NTRK2: variants seen among roughly 807,000 people sequenced by gnomAD.
NTRK2 encodes BDNF/NT-3 growth factors receptor.
Under a neutral mutation model 94.5 loss-of-function variants are expected in NTRK2, and 13 were observed. That is an observed-to-expected ratio of 0.14 (90% CI 0.09 to 0.22). The LOEUF (loss-of-function observed/expected upper bound fraction) is 0.22, where lower values mean the gene tolerates loss of function less well. Among genes scored for constraint, NTRK2 ranks in the 10% least tolerant of loss-of-function variants. The pLI, the probability that NTRK2 is intolerant of heterozygous loss-of-function variation, is 1.00. For synonymous variants in NTRK2, 372 were observed against 407.4 expected, an observed-to-expected ratio of 0.91 and a Z score of 1.05; for missense variants, 639 against 1,071.2, an observed-to-expected ratio of 0.60 and a Z score of 5.63.
At chr9:84,769,726 A>T (rs952518292) in intron 12 of NTRK2, among the ~76,000 whole-genome samples, 2 of 152,246 alleles carry the variant, frequency 1.3e-5, no homozygotes, top group Non-Finnish European at 2.9e-5. Context: ...GGACCAGCAC[A>T]ACGTTCTTCA....
chr9:84,671,474 G>A (rs998505010), intron 2 of NTRK2, among the ~76,000 whole-genome samples: 10 of 152,014 alleles, frequency 6.6e-5, no homozygotes, highest in Middle Eastern at 6.8e-3. Context: ...TTTATATATC[G>A]GATTTTGCTT....
chr9:84,673,447 G>T (rs1421153466), intron 2 of NTRK2, among the ~76,000 whole-genome samples: 1 of 152,112 alleles, frequency 6.6e-6, no homozygotes, highest in African/African-American at 2.4e-5. Context: ...CTGTTGTAAA[G>T]TTCTGGTTTA....
At chr9:84,777,925 T>G (rs1418651365) in intron 12 of NTRK2, among the ~76,000 whole-genome samples, 1 of 152,212 alleles carries the variant, frequency 6.6e-6, no homozygotes, top group Non-Finnish European at 1.5e-5. Flanking sequence ...ACAGCCTACA[T>G]GATCTTTTGA....
intron 12 of NTRK2, among the ~76,000 whole-genome samples, chr9:84,855,407 G>T (rs983698293): frequency 2.0e-5 from 3 of 152,236 alleles, no homozygotes; most frequent in Middle Eastern, 3.4e-3. Flanking sequence ...GTCTCTGTGG[G>T]TATTTATATG....
chr9:84,692,312 A>G (rs955601864), intron 2 of NTRK2, among the ~76,000 whole-genome samples: 9 of 152,276 alleles, frequency 5.9e-5, no homozygotes, highest in African/African-American at 9.6e-5. Context: ...TACCTTGGCT[A>G]TGTCTGTGCA....
At chr9:84,870,337 A>G (rs938662963) in intron 14 of NTRK2, among the ~76,000 whole-genome samples, 1,144 of 72,030 alleles carry the variant, frequency 0.016, 59 homozygotes, top group African/African-American at 0.043. Flanking sequence ...GTGTGTATAT[A>G]TATATATATA....
chr9:84,843,605 C>T (rs913774633), intron 12 of NTRK2, among the ~76,000 whole-genome samples: 1 of 152,232 alleles, frequency 6.6e-6, no homozygotes, highest in Non-Finnish European at 1.5e-5. Flanking sequence ...AGGTGGGTCA[C>T]GTGCAGCTTG....
intron 12 of NTRK2, among the ~76,000 whole-genome samples, chr9:84,844,904 A>T (rs1385156425): frequency 6.6e-6 from 1 of 152,164 alleles, no homozygotes; most frequent in African/African-American, 2.4e-5. Context: ...TTGAAAAAAA[A>T]AATACCACCT....
At chr9:84,941,292 A>T (rs1334800428) in intron 15 of NTRK2, among the ~76,000 whole-genome samples, 1 of 152,218 alleles carries the variant, frequency 6.6e-6, no homozygotes, top group Non-Finnish European at 1.5e-5. Context: ...TAGGCATTTG[A>T]ATTAGATAGG....
At chr9:84,787,845 C>T (rs527567468) in intron 12 of NTRK2, among the ~76,000 whole-genome samples, 1 of 152,266 alleles carries the variant, frequency 6.6e-6, no homozygotes, top group African/African-American at 2.4e-5. Context: ...GGTGATCTAA[C>T]TTACCAGTGA....
At chr9:84,766,242 G>A (rs1490214876) in intron 12 of NTRK2, among the ~76,000 whole-genome samples, 1 of 152,110 alleles carries the variant, frequency 6.6e-6, no homozygotes, top group Non-Finnish European at 1.5e-5. Flanking sequence ...TGATGTCCTG[G>A]GGAAGAGTGA....
intron 14 of NTRK2, among the ~76,000 whole-genome samples, chr9:84,879,065 C>T (rs186432038): frequency 2.0e-5 from 3 of 152,272 alleles, no homozygotes; most frequent in Admixed American, 1.3e-4. Context: ...TGCTCATCTT[C>T]TCACTACATT....
intron 9 of NTRK2, among the ~76,000 whole-genome samples, chr9:84,730,567 C>A (rs1323222367): frequency 7.2e-6 from 1 of 139,820 alleles, no homozygotes; most frequent in African/African-American, 3.0e-5. Context: ...GGTGAAACCC[C>A]GTCTCTACTA....
chr9:84,680,037 C>G (rs1277563191), intron 2 of NTRK2, among the ~76,000 whole-genome samples: 1 of 152,068 alleles, frequency 6.6e-6, no homozygotes, highest in Non-Finnish European at 1.5e-5. Flanking sequence ...TCTGTGACCC[C>G]CAAGAGCAGA....
At chr9:84,974,567 A>T (rs138691961) in intron 17 of NTRK2, among the ~76,000 whole-genome samples, 1 of 152,324 alleles carries the variant, frequency 6.6e-6, no homozygotes, top group African/African-American at 2.4e-5. Flanking sequence ...CTCAGATTGA[A>T]TTCCTCTCCA....
chr9:84,986,417 T>C (rs1828309352), intron 17 of NTRK2, among the ~76,000 whole-genome samples: 1 of 152,188 alleles, frequency 6.6e-6, no homozygotes, highest in African/African-American at 2.4e-5. Context: ...ACATGCACAG[T>C]TCACAGTAGG....
intron 16 of NTRK2, among the ~76,000 whole-genome samples, chr9:84,949,734 G>A (rs1489811023): frequency 1.3e-5 from 2 of 152,122 alleles, no homozygotes; most frequent in East Asian, 3.9e-4. Context: ...CCAAAGTGCT[G>A]GGAAAACAGG....
intron 2 of NTRK2, among the ~76,000 whole-genome samples, chr9:84,700,107 G>A (rs1343831622): frequency 6.6e-6 from 1 of 152,182 alleles, no homozygotes; most frequent in Non-Finnish European, 1.5e-5. Context: ...CTGGTAGGAG[G>A]GGACAGGCTT....
intron 12 of NTRK2, among the ~76,000 whole-genome samples, chr9:84,760,502 G>A (rs1248362205): frequency 1.3e-5 from 2 of 152,150 alleles, no homozygotes; most frequent in African/African-American, 2.4e-5. Context: ...TAATTACAAT[G>A]TGTATCTACT....
Sources: allele counts gnomAD v4.1 joint callset (sites outside exome capture counted in the v4.1 genomes callset), GRCh38; gene constraint gnomAD v4.1.1; transcripts MANE v1.5; gene names NCBI Gene and HGNC (gene_info 2026-07-23, HGNC 2026-07-21).